PRSS38: variants seen among roughly 807,000 people sequenced by gnomAD.
PRSS38 encodes marapsin 2.
In PRSS38, 22 loss-of-function variants were observed where a neutral mutation model predicts 26.8. The observed-to-expected ratio is 0.82, with a 90% CI of 0.59 to 1.17. The LOEUF (loss-of-function observed/expected upper bound fraction) is 1.17. Ranked by LOEUF, PRSS38 falls within the 50% of genes most tolerant of loss-of-function variation. PRSS38 has a pLI of 0.00. For synonymous variants in PRSS38, 175 were observed against 172.1 expected (o/e 1.02, Z -0.13); for missense variants, 427 against 422.7 (o/e 1.01, Z -0.09).
chr1:227,831,760 G>A (rs909136519), intron 3 of PRSS38, among the ~76,000 whole-genome samples: 2 of 152,100 alleles, frequency 1.3e-5, no homozygotes, highest in Admixed American at 6.5e-5. Context: ...GCTGAGACAG[G>A]AGAATCATTT....
intron 3 of PRSS38, among the ~76,000 whole-genome samples, chr1:227,837,188 C>T (rs1003156171): frequency 6.6e-6 from 1 of 152,164 alleles, no homozygotes; most frequent in African/African-American, 2.4e-5. Flanking sequence ...TGTTGCACTA[C>T]CATCACCACC....
At chr1:227,846,464 A>AAAGC in exon 5 of PRSS38, 2 of 541,802 alleles carry the variant, frequency 3.7e-6, no homozygotes, top group Non-Finnish European at 6.5e-6. Flanking sequence ...AAATATTTAC[A>AAAGC]AAGCAAGCCT....
At chr1:227,818,687 A>AAAAC (rs1553292019) in intron 3 of PRSS38, among the ~76,000 whole-genome samples, 2 of 151,706 alleles carry the variant, frequency 1.3e-5, no homozygotes, top group African/African-American at 4.8e-5. Flanking sequence ...AAAAAAAAAA[A>AAAAC]AAAAAAAAAA....
At chr1:227,826,774 T>C (rs181132986) in intron 3 of PRSS38, among the ~76,000 whole-genome samples, 77 of 152,176 alleles carry the variant, frequency 5.1e-4, no homozygotes, top group African/African-American at 1.8e-3. Flanking sequence ...TCAAGGGCAA[T>C]GACTGCCTCC....
intron 4 of PRSS38, 93 bp downstream of exon 4, chr1:227,845,705 G>C: frequency 6.9e-7 from 1 of 1,454,618 alleles, no homozygotes; most frequent in East Asian, 2.3e-5. Flanking sequence ...CTGACTAGCA[G>C]GAGCCCTGCA....
chr1:227,843,428 C>CCTG (rs1240296969), intron 3 of PRSS38, among the ~76,000 whole-genome samples: 4 of 152,208 alleles, frequency 2.6e-5, no homozygotes, highest in Admixed American at 2.6e-4. Flanking sequence ...ACCAGCCGGG[C>CCTG]GTGGTGGCTC....
In PRSS38 at chr1:227,846,427, G is replaced by A; in HGVS notation, c.*219G>A. The stretch of plus-strand genomic sequence containing the variant: ...TCAGGGAGAACCCAGCTTGGGCAGA[G>A]TGCACCTGAGATTTGATAAGATCAT... On this transcript the variant is annotated 3_prime_UTR_variant, in exon 5 of 5. Transcript: ENST00000366757. The A allele has an allele frequency of 5.0e-6, 3 of 597,320 alleles. No homozygotes were observed. The South Asian group carries it at 6.5e-5, about 13-fold the overall frequency. 37.0% of individuals were successfully genotyped at this position (597,320 alleles called of 1,614,324 possible).
intron 4 of PRSS38, 152 bp from the exon 5 acceptor site, chr1:227,845,802 T>C: frequency 8.0e-7 from 1 of 1,243,694 alleles, no homozygotes; most frequent in Non-Finnish European, 1.1e-6. Context: ...CTCTGGGCTG[T>C]GTTGCAGCCA....
At chr1:227,832,943 A>C (rs1035939833) in intron 3 of PRSS38, among the ~76,000 whole-genome samples, 18 of 152,212 alleles carry the variant, frequency 1.2e-4, no homozygotes, top group Non-Finnish European at 2.9e-5. Flanking sequence ...ATAGCACCCA[A>C]ACCAAAATAT....
intron 3 of PRSS38, among the ~76,000 whole-genome samples, chr1:227,822,425 A>C (rs936688277): frequency 1.3e-5 from 2 of 151,828 alleles, no homozygotes; most frequent in Non-Finnish European, 2.9e-5. Flanking sequence ...AGGAGTGTTG[A>C]GTTTTATACT....
Position 227,845,494 on chromosome 1 carries a change from A to AG in PRSS38, c.609dup (p.Met204AspfsTer35). The AG allele has an allele frequency of 3.7e-6, 6 of 1,611,688 alleles. No homozygotes were observed. The African/African-American group carries it at 8.0e-5, about 22-fold the overall frequency. ...GGTGAGACCTCAGACGAGCTGCAGG[A>AG]GATGCAGCTCCCGCTGATCCTGGAG... is the stretch of plus-strand genomic sequence containing the variant. On this transcript the variant is annotated frameshift_variant, in exon 4 of 5. Transcript: ENST00000366757. LOFTEE classifies it high-confidence loss of function.
intron 3 of PRSS38, among the ~76,000 whole-genome samples, chr1:227,824,232 C>A (rs1039889807): frequency 6.6e-6 from 1 of 152,118 alleles, no homozygotes; most frequent in South Asian, 2.1e-4. Context: ...TCTATCCCCC[C>A]AAACAGGCCC....
At chr1:227,842,063 C>A (rs1057052696) in intron 3 of PRSS38, among the ~76,000 whole-genome samples, 3 of 152,170 alleles carry the variant, frequency 2.0e-5, no homozygotes, top group African/African-American at 4.8e-5. Context: ...TCACTCCCCC[C>A]ACCTCCACAG....
At chr1:227,845,234 A>G (rs1400654401) in intron 3 of PRSS38, among the ~76,000 whole-genome samples, 5 of 114,510 alleles carry the variant, frequency 4.4e-5, no homozygotes, top group Non-Finnish European at 7.1e-5. Context: ...TGTGTGGTGG[A>G]GCTCCTCCCT....
intron 3 of PRSS38, among the ~76,000 whole-genome samples, chr1:227,834,503 T>C (rs1665209141): frequency 6.6e-6 from 1 of 152,080 alleles, no homozygotes; most frequent in Admixed American, 6.6e-5. Flanking sequence ...ACTCAGTCTC[T>C]ACAAAAAATA....
chr1:227,846,359 A>C (rs1665431393), exon 5 of PRSS38: 1 of 1,021,052 alleles, frequency 9.8e-7, no homozygotes, highest in African/African-American at 1.6e-5. Context: ...GGAGGTGATG[A>C]GCAAGTGTAC....
At chr1:227,817,414 A>G (rs781157415) in exon 3 of PRSS38, 17 of 1,613,886 alleles carry the variant, frequency 1.1e-5, no homozygotes, top group Middle Eastern at 1.6e-4. Context: ...TTGCCTTGCA[A>G]CTCCAGAAGT....
rs569562235 is a variant in PRSS38, at chr1:227,841,057, A to C, written c.584-4413A>C. Among the ~76,000 whole-genome samples the C allele has an allele frequency of 1.1e-3, 164 of 152,370 alleles. 1 individual carries two copies. The highest frequency in any genetic ancestry group is 1.9e-3 in the Non-Finnish European group (132 of 68,042). On this transcript the variant is annotated intron_variant, in intron 3 of 4. Coordinates refer to ENST00000366757, the Ensembl canonical transcript of PRSS38. ...TATCATTTTATCTATTGCCACAAGA[A>C]TGCTGCATTATAAAGAGTGAGCAGG...
intron 3 of PRSS38, among the ~76,000 whole-genome samples, chr1:227,824,088 G>A (rs556293431): frequency 3.9e-5 from 6 of 152,222 alleles, no homozygotes; most frequent in Non-Finnish European, 5.9e-5. Flanking sequence ...TTAAGTTCAG[G>A]GGTACATATG....
Sources: gnomAD v4.1 joint callset for allele counts (sites outside exome capture counted in the v4.1 genomes callset) on GRCh38, gnomAD v4.1.1 for gene constraint, MANE v1.5 for transcripts, NCBI Gene and HGNC (gene_info 2026-07-23, HGNC 2026-07-21) for gene names.